Variants in SH3PXD2A observed in about 807,000 individuals in gnomAD.
SH3PXD2A encodes SH3 and PX domain-containing protein 2A.
Under a neutral mutation model 115.2 loss-of-function variants are expected in SH3PXD2A, and 32 were observed. The ratio of observed to expected loss-of-function variants is 0.28; its 90% CI spans 0.21 to 0.37. The LOEUF is 0.37. SH3PXD2A is among the 10% of genes least tolerant of loss of function. The probability of loss-of-function intolerance (pLI) is 1.00; values close to 1 mark genes in which losing one functional copy is unlikely to be tolerated. For missense variants in SH3PXD2A, 1,328 were observed against 1,498.7 expected (o/e 0.89, Z 1.88); for synonymous variants, 610 against 629.1 (o/e 0.97, Z 0.45).
At position 103,596,663 on chromosome 10, in the gene SH3PXD2A, A is replaced by ACTCTCTCTCTCTCTCTCTCTCTCTCTCT. The variant is rs1554901348; in HGVS notation, c.*5152_*5153insAGAGAGAGAGAGAGAGAGAGAGAGAGAG. On this transcript the variant is annotated 3_prime_UTR_variant, in exon 15 of 15. Coordinates refer to ENST00000369774, the MANE Select transcript of SH3PXD2A (RefSeq NM_001394015.1). ...CACACACACACACACACACACACACACTCTCTCTCTCTCTCTCTCTCTCAC... is the reference window on the plus strand; with the variant it reads ...CACACACACACACACACACACACACACTCTCTCTCTCTCTCTCTCTCTCTCTCTCTCTCTCTCTCTCTCTCTCTCTCAC... The ACTCTCTCTCTCTCTCTCTCTCTCTCTCT allele has an allele frequency of 5.6e-4, 70 of 124,492 alleles. No individual in the cohort carries two copies. Among genetic ancestry groups the ACTCTCTCTCTCTCTCTCTCTCTCTCTCT allele is most frequent in the African/African-American group, 9.5e-4 (30 of 31,746 alleles). The allele number at this position is 124,492 out of a possible 1,614,324, so 7.7% of individuals were successfully genotyped here.
Position 103,629,899 on chromosome 10 carries a change from A to G in SH3PXD2A, c.605-2697T>C, listed in dbSNP as rs551078503. Reference sequence around the variant, plus strand: ...TGGGGAGAGGAGGGGAGGAGCAGCAATGGATGCAGGGAGCATTTCAGCTGC... The same window carrying G: ...TGGGGAGAGGAGGGGAGGAGCAGCAGTGGATGCAGGGAGCATTTCAGCTGC... On this transcript the variant is annotated intron_variant, in intron 8 of 14. Transcript: ENST00000369774. 3.9e-5 allele frequency among the ~76,000 whole-genome samples: 6 copies of G among 152,338 alleles called. No homozygotes were observed. In the South Asian group the frequency reaches 1.2e-3, roughly 32 times the overall value.
chr10:103,668,849 CGCTGGGACACAGCCG>C (rs2037420774), intron 6 of SH3PXD2A, among the ~76,000 whole-genome samples, 197 bp from the exon 7 acceptor site: 1 of 152,232 alleles, frequency 6.6e-6, no homozygotes, highest in Non-Finnish European at 1.5e-5. Context: ...ATTACAGAGG[CGCTGGGACACAGCCG>C]GCTGGGACAG....
intron 4 of SH3PXD2A, among the ~76,000 whole-genome samples, chr10:103,728,283 G>T (rs2038267459): frequency 1.3e-5 from 2 of 152,236 alleles, no homozygotes; most frequent in South Asian, 4.1e-4. Flanking sequence ...TAAGCGAGAT[G>T]AATATGAGAA....
intron 1 of SH3PXD2A, among the ~76,000 whole-genome samples, chr10:103,853,823 C>G (rs996281736): frequency 4.6e-5 from 7 of 152,128 alleles, no homozygotes; most frequent in Admixed American, 1.3e-4. Context: ...AAAAATAAAC[C>G]CTGGGATATA....
chr10:103,717,631 A>G (rs752094719), intron 5 of SH3PXD2A, among the ~76,000 whole-genome samples: 1 of 152,212 alleles, frequency 6.6e-6, no homozygotes, highest in African/African-American at 2.4e-5. Context: ...CCTCCTGGGA[A>G]TCTACAGACA....
chr10:103,807,084 C>T lies in SH3PXD2A; in HGVS notation c.73-5722G>A, dbSNP rs2039212454. Among the ~76,000 whole-genome samples, 4 of 152,236 alleles carry T rather than the reference C, an allele frequency of 2.6e-5. No individual in the cohort carries two copies. The South Asian group carries it at 8.3e-4, about 32-fold the overall frequency. On this transcript the variant is annotated intron_variant, in intron 1 of 14. Transcript: ENST00000369774. ...CTTCTGTCCTCTATTAGCCTTGCTCCTTTCAACAAGAAAATGGCCTTGATG... is the reference window on the plus strand; with the variant it reads ...CTTCTGTCCTCTATTAGCCTTGCTCTTTTCAACAAGAAAATGGCCTTGATG...
intron 8 of SH3PXD2A, among the ~76,000 whole-genome samples, chr10:103,652,153 G>A (rs983966331): frequency 1.3e-5 from 2 of 152,270 alleles, no homozygotes; most frequent in East Asian, 3.8e-4. Context: ...GCCCAGCTAA[G>A]AAGGGGAGTG....
intron 1 of SH3PXD2A, among the ~76,000 whole-genome samples, chr10:103,830,855 A>C (rs2039476290): frequency 1.3e-5 from 2 of 152,174 alleles, no homozygotes; most frequent in African/African-American, 4.8e-5. Context: ...TAAGAGGAAA[A>C]GGGATAGGAT....
At chr10:103,824,829 G>A (rs921269772) in intron 1 of SH3PXD2A, among the ~76,000 whole-genome samples, 2 of 152,176 alleles carry the variant, frequency 1.3e-5, no homozygotes, top group African/African-American at 4.8e-5. Flanking sequence ...TTGAGATACA[G>A]TCTCACTCCA....
At position 103,612,953 on chromosome 10, in the gene SH3PXD2A, G is replaced by A; in HGVS notation, c.1158C>T (p.Ala386=). 1 of 1,614,202 alleles carries A rather than the reference G, an allele frequency of 6.2e-7. No individual in the cohort carries two copies. Among genetic ancestry groups the A allele is most frequent in the Non-Finnish European group, 8.5e-7 (1 of 1,180,012 alleles). Residue 386 remains alanine, a synonymous_variant, in exon 12 of 15, where the codon GCC becomes GCT. Transcript: ENST00000369774. ...GAACGCCCACGGCACTGCCATTGGA[G>A]GCATTGCAGAGGATGGGCAGGCTGA... is the stretch of plus-strand genomic sequence containing the variant. ...KEISLPILCN[A]SNGSAVGVPD...
intron 9 of SH3PXD2A, among the ~76,000 whole-genome samples, 158 bp downstream of exon 9, chr10:103,626,931 G>A (rs1361221709): frequency 6.6e-6 from 1 of 152,178 alleles, no homozygotes; most frequent in Non-Finnish European, 1.5e-5. Flanking sequence ...GGTGGGAGGT[G>A]AGCTTTTGGG....
At chr10:103,741,118 C>A (rs1247211092) in intron 3 of SH3PXD2A, among the ~76,000 whole-genome samples, 2 of 152,192 alleles carry the variant, frequency 1.3e-5, no homozygotes, top group African/African-American at 4.8e-5. Context: ...GTCAAGGAAG[C>A]TTCTCTGGGC....
At chr10:103,741,336 CT>C (rs1381005724) in intron 3 of SH3PXD2A, among the ~76,000 whole-genome samples, 1 of 152,226 alleles carries the variant, frequency 6.6e-6, no homozygotes. Flanking sequence ...CTCATTCTGT[CT>C]TTAAGGCACA....
intron 1 of SH3PXD2A, among the ~76,000 whole-genome samples, chr10:103,803,879 A>T (rs1212710957): frequency 1.3e-5 from 2 of 152,202 alleles, no homozygotes; most frequent in African/African-American, 2.4e-5. Context: ...GAAATACAAT[A>T]CATCAATCAA....
intron 5 of SH3PXD2A, among the ~76,000 whole-genome samples, chr10:103,723,103 C>T (rs907590612): frequency 3.3e-5 from 5 of 152,194 alleles, no homozygotes; most frequent in South Asian, 2.1e-4. Context: ...TCCAGAGCCA[C>T]GCAATGCTCA....
intron 7 of SH3PXD2A, among the ~76,000 whole-genome samples, chr10:103,668,300 A>C (rs995661536): frequency 6.6e-6 from 1 of 152,176 alleles, no homozygotes. Context: ...CCCCTTAGGG[A>C]GGTTACACAC....
chr10:103,767,118 G>T lies in SH3PXD2A; in HGVS notation c.205C>A (p.Gln69Lys), dbSNP rs773270349. The change falls in exon 3 of 15, where the codon CAA becomes AAA. Residue 69 changes from glutamine (Q) to lysine (K), a missense_variant. Transcript: ENST00000369774. Reference protein sequence around the residue: ...PIEGGQKDPKQRIIPFLPGKI... With the variant: ...PIEGGQKDPKKRIIPFLPGKI... ...CCTGGGAGGAAGGGGATGATCCTTTGCTTGGGGTCCTTCTGGCCACCTTCA... is the reference window on the plus strand; with the variant it reads ...CCTGGGAGGAAGGGGATGATCCTTTTCTTGGGGTCCTTCTGGCCACCTTCA... 1.9e-6 allele frequency: 3 copies of T among 1,614,008 alleles called. No homozygotes were observed. Among genetic ancestry groups the T allele is most frequent in the Non-Finnish European group, 2.5e-6 (3 of 1,179,902 alleles).
chr10:103,620,247 C>T lies in SH3PXD2A; in HGVS notation c.802+2223G>A, dbSNP rs970594307. ...CCGGGCTTCTGGGAAGCACTGGGGC[C>T]GTGAACACTGACCACGCCACCAGGA... On this transcript the variant is annotated intron_variant, in intron 10 of 14. Transcript: ENST00000369774. The surrounding 1 kb of genome is among the most constrained non-coding windows in gnomAD (Gnocchi z 5.3). Among the ~76,000 whole-genome samples, 8 of 152,168 alleles carry T rather than the reference C, an allele frequency of 5.3e-5. No homozygotes were observed. The highest frequency in any genetic ancestry group is 1.7e-4 in the African/African-American group (7 of 41,438).
intron 2 of SH3PXD2A, among the ~76,000 whole-genome samples, chr10:103,795,487 A>G (rs183779090): frequency 6.6e-6 from 1 of 152,314 alleles, no homozygotes; most frequent in African/African-American, 2.4e-5. Flanking sequence ...GTGCACATTC[A>G]TGCACTTGTC....
Sources: gnomAD v4.1 joint callset for allele counts (sites outside exome capture counted in the v4.1 genomes callset) on GRCh38, gnomAD v4.1.1 for gene constraint, Gnocchi (gnomAD v3.1) non-coding constraint, MANE v1.5 for transcripts, NCBI Gene and HGNC (gene_info 2026-07-23, HGNC 2026-07-21) for gene names.